LY75: variants seen among roughly 807,000 people sequenced by gnomAD.
The protein encoded by LY75 is C-type lectin domain family 13 member B.
Under a neutral mutation model 231.7 loss-of-function variants are expected in LY75, and 185 were observed. That is an observed-to-expected ratio of 0.80 (90% CI 0.71 to 0.90). LY75 has a LOEUF of 0.90. LY75 is among the 40% of genes least tolerant of loss of function. LY75 has a pLI of 0.00. For synonymous variants in LY75, 668 were observed against 689.0 expected (o/e 0.97, Z 0.48); for missense variants, 1,947 against 2,050.2 (o/e 0.95, Z 0.97).
intron 28 of LY75, among the ~76,000 whole-genome samples, chr2:159,822,503 G>A (rs1560066737): frequency 6.6e-6 from 1 of 152,148 alleles, no homozygotes; most frequent in Non-Finnish European, 1.5e-5. Context: ...CTCTGGGCAG[G>A]GCATCTCTGA....
At chr2:159,829,098 T>C (rs926100658) in intron 28 of LY75, among the ~76,000 whole-genome samples, 2 of 152,150 alleles carry the variant, frequency 1.3e-5, no homozygotes, top group Non-Finnish European at 2.9e-5. Flanking sequence ...ATATTACAAT[T>C]ATAAATTGGT....
At position 159,831,696 on chromosome 2, in the gene LY75, C is replaced by T. The variant is rs1315001610; in HGVS notation, c.3932G>A (p.Trp1311Ter). The stretch of plus-strand genomic sequence containing the variant: ...TCTATAAGTTATTCCTAACATGACC[C>T]ATGAAGCCATATAATTGAAGTACAG... ...QLLYFNYMAS[W>*]VMLGITYRNK... is the part of the protein sequence containing the mutation. The change falls in exon 28 of 35, where the codon TGG becomes TAG. Residue 1311 changes from tryptophan (W) to a stop codon, truncating the protein, a stop_gained. Coordinates refer to ENST00000263636, the MANE Select transcript of LY75 (RefSeq NM_002349.4). LOFTEE classifies it high-confidence loss of function. The T allele has an allele frequency of 2.5e-6, 4 of 1,611,648 alleles. No individual in the cohort carries two copies. The South Asian group carries it at 4.4e-5, about 18-fold the overall frequency.
chr2:159,850,236 G>A (rs1684342059), intron 22 of LY75, 96 bp from the exon 23 acceptor site: 3 of 1,503,538 alleles, frequency 2.0e-6, no homozygotes, highest in Admixed American at 4.8e-5. Context: ...TATCAACATA[G>A]TCTTTTATCT....
chr2:159,839,780 C>A (rs1312408027), intron 25 of LY75, among the ~76,000 whole-genome samples: 1 of 151,834 alleles, frequency 6.6e-6, no homozygotes. Flanking sequence ...CTGGGGCGGG[C>A]GGATCACTTG....
intron 6 of LY75, among the ~76,000 whole-genome samples, chr2:159,884,220 T>C (rs1420385058): frequency 6.6e-6 from 1 of 152,214 alleles, no homozygotes; most frequent in East Asian, 1.9e-4. Flanking sequence ...CACGTGAGAT[T>C]GTAAGGTCCA....
At chr2:159,893,021 T>C (rs113493260) in intron 3 of LY75, among the ~76,000 whole-genome samples, 10 of 151,920 alleles carry the variant, frequency 6.6e-5, no homozygotes, top group African/African-American at 2.2e-4. Context: ...CTTTTTTAAA[T>C]AAAAAAAAGC....
intron 15 of LY75, among the ~76,000 whole-genome samples, chr2:159,859,480 C>CT (rs1019317059): frequency 3.9e-5 from 6 of 152,246 alleles, no homozygotes; most frequent in South Asian, 2.1e-4. Flanking sequence ...CTTCTTGGCC[C>CT]TTTTTTTAAA....
At chr2:159,847,730 C>T (rs537593076) in intron 23 of LY75, among the ~76,000 whole-genome samples, 1 of 152,196 alleles carries the variant, frequency 6.6e-6, no homozygotes, top group South Asian at 2.1e-4. Flanking sequence ...GAAGGACAAT[C>T]ACAATATGCT....
intron 33 of LY75, chr2:159,807,955 CCTAACA>C: frequency 8.5e-6 from 8 of 945,576 alleles, no homozygotes; most frequent in Non-Finnish European, 8.8e-6. Flanking sequence ...TTCACACCAA[CCTAACA>C]CTAAGACAGT....
chr2:159,864,802 T>C (rs1684811027), intron 14 of LY75, 37 bp downstream of exon 14: 2 of 1,497,108 alleles, frequency 1.3e-6, no homozygotes, highest in Non-Finnish European at 8.9e-7. Flanking sequence ...ACAAACAGTG[T>C]TTCCATACTA....
chr2:159,889,518 G>A (rs1177869067), intron 4 of LY75, among the ~76,000 whole-genome samples: 6 of 151,934 alleles, frequency 3.9e-5, no homozygotes, highest in Non-Finnish European at 7.4e-5. Flanking sequence ...GTGAGCCACC[G>A]CACCTGGCCA....
Position 159,898,816 on chromosome 2 carries a change from T to G in LY75, c.338A>C (p.His113Pro). 6.2e-7 allele frequency: 1 copy of G among 1,613,946 alleles called. No individual in the cohort carries two copies. The highest frequency in any genetic ancestry group is 8.5e-7 in the Non-Finnish European group (1 of 1,179,992). The change falls in exon 2 of 35, where the codon CAC (histidine) becomes CCC (proline). Residue 113 changes from histidine (H) to proline (P), a missense_variant. His to Pro is a moderately conservative substitution (Grantham distance 77). Transcript: ENST00000263636. ...SAMLWWKCEH[H>P]SLYGAARYRL... ...GTACCGGGCAGCTCCGTACAGAGAG[T>G]GGTGCTCACATTTCCACCACAGCAT...
intron 28 of LY75, among the ~76,000 whole-genome samples, chr2:159,823,010 G>A (rs1683346557): frequency 6.6e-6 from 1 of 152,206 alleles, no homozygotes; most frequent in Admixed American, 6.5e-5. Context: ...CAAAAAGGCT[G>A]AAAATTCCAA....
rs201304208 is a variant in LY75 at position 159,857,739 on chromosome 2, TA to T, written c.2383+622del. Among the ~76,000 whole-genome samples, 1,477 of 152,264 alleles carry T rather than the reference TA, an allele frequency of 9.7e-3. 13 individuals carry two copies. Among genetic ancestry groups the T allele is most frequent in the South Asian group, 0.024 (116 of 4,822 alleles). On this transcript the variant is annotated intron_variant, in intron 16 of 34. Transcript: ENST00000263636. ...CCTGGAAGACTGAGCAAGACTGTCT[TA>T]AAAAATAATAATAATAATTTGAGAA...
At chr2:159,874,163 AC>A (rs370624768) in intron 12 of LY75, among the ~76,000 whole-genome samples, 582 of 5,334 alleles carry the variant, frequency 0.11, 3 homozygotes, top group East Asian at 0.3. Context: ...ATATATATAA[AC>A]GTATATATAT....
intron 21 of LY75, among the ~76,000 whole-genome samples, chr2:159,851,550 A>T (rs1382960499): frequency 6.6e-6 from 1 of 152,236 alleles, no homozygotes; most frequent in Non-Finnish European, 1.5e-5. Context: ...TTTCCACACA[A>T]ACCTGCTTAT....
intron 34 of LY75, among the ~76,000 whole-genome samples, chr2:159,805,985 A>G (rs1682782732): frequency 6.6e-6 from 1 of 152,100 alleles, no homozygotes. Flanking sequence ...GTTCTGCCTT[A>G]GGCTCTTTGC....
intron 11 of LY75, among the ~76,000 whole-genome samples, chr2:159,877,028 A>AAAAAAAAAAAAAAAAAAAAG (rs1553810533): frequency 1.1e-4 from 13 of 117,142 alleles, no homozygotes; most frequent in Non-Finnish European, 1.8e-4. Context: ...AAAAAAAAAA[A>AAAAAAAAAAAAAAAAAAAAG]AAAAAAGAAA....
chr2:159,870,710 C>T (rs572928493), intron 13 of LY75, among the ~76,000 whole-genome samples: 1 of 150,658 alleles, frequency 6.6e-6, no homozygotes, highest in South Asian at 2.1e-4. Flanking sequence ...TAGGGTCTCC[C>T]TATGCTACCC....
Sources: allele counts gnomAD v4.1 joint callset (sites outside exome capture counted in the v4.1 genomes callset), GRCh38; gene constraint gnomAD v4.1.1; transcripts MANE v1.5; gene names NCBI Gene and HGNC (gene_info 2026-07-23, HGNC 2026-07-21).